Variants in CECR2 observed in about 807,000 individuals in gnomAD.
The protein encoded by CECR2 is chromatin remodeling regulator CECR2.
CECR2 carries 30 observed loss-of-function variants against 154.5 expected under a neutral mutation model. That is an observed-to-expected ratio of 0.19 (90% CI 0.15 to 0.26). The LOEUF is 0.26. Ranked by LOEUF, CECR2 falls within the 10% of genes least tolerant of loss-of-function variation. The pLI, the probability that CECR2 is intolerant of heterozygous loss-of-function variation, is 1.00. For missense variants in CECR2, 1,743 were observed against 1,829.3 expected (o/e 0.95, Z 0.86); for synonymous variants, 725 against 683.7 (o/e 1.06, Z -0.94).
Position 17,548,773 on chromosome 22 carries a change from C to T in CECR2, c.3486C>T (p.Gly1162=). 5 of 1,613,792 alleles carry T rather than the reference C, an allele frequency of 3.1e-6. No individual in the cohort carries two copies. The highest frequency in any genetic ancestry group is 4.2e-6 in the Non-Finnish European group (5 of 1,179,844). The change falls in exon 17 of 19, where the codon GGC becomes GGT. Residue 1162 remains glycine, a synonymous_variant. Transcript: ENST00000262608. ...ASHPQHFPPR[G]FQSNHPHSGG... ...ATCCCCAGCATTTTCCCCCAAGGGGCTTTCAGTCTAACCACCCACATTCTG... is the reference window on the plus strand; with the variant it reads ...ATCCCCAGCATTTTCCCCCAAGGGGTTTTCAGTCTAACCACCCACATTCTG...
rs528198022 is a variant in CECR2, at chr22:17,546,053, T to C, written c.2861-2095T>C. On this transcript the variant is annotated intron_variant, in intron 16 of 18. Coordinates refer to ENST00000262608, the MANE Select transcript of CECR2 (RefSeq NM_001290047.2). ...GGCGACAGAGTTGAAACTCCGACTCTTTTAAAAAAAGAAAAAAAATGGTTA... is the reference window on the plus strand; with the variant it reads ...GGCGACAGAGTTGAAACTCCGACTCCTTTAAAAAAAGAAAAAAAATGGTTA... Among the ~76,000 whole-genome samples the C allele has an allele frequency of 4.0e-5, 6 of 151,230 alleles. No homozygotes were observed. In the East Asian group the frequency reaches 1.2e-3, roughly 30 times the overall value.
chr22:17,396,953 G>A (rs2053820788), intron 1 of CECR2, among the ~76,000 whole-genome samples: 1 of 152,094 alleles, frequency 6.6e-6, no homozygotes, highest in South Asian at 2.1e-4. Context: ...TTGTGAGAGA[G>A]GAAAAGCCTA....
At chr22:17,414,186 A>T (rs555888215) in intron 1 of CECR2, among the ~76,000 whole-genome samples, 1 of 151,260 alleles carries the variant, frequency 6.6e-6, no homozygotes, top group Non-Finnish European at 1.5e-5. Context: ...GTTAGCCAGG[A>T]TGGTCTCGAT....
At chr22:17,438,339 C>T (rs1251532449) in intron 1 of CECR2, among the ~76,000 whole-genome samples, 1 of 148,086 alleles carries the variant, frequency 6.8e-6, no homozygotes, top group Non-Finnish European at 1.5e-5. Flanking sequence ...GTTTTCCTTT[C>T]TCATCACATG....
In CECR2 at chr22:17,534,136, C is replaced by T. The variant is rs144382028; in HGVS notation, c.1109-2967C>T. 1.9e-3 allele frequency among the ~76,000 whole-genome samples: 286 copies of T among 152,192 alleles called. 3 individuals are homozygous for T. Among genetic ancestry groups the T allele is most frequent in the African/African-American group, 6.5e-3 (268 of 41,526 alleles). ...TTGGCATAGAGATAGACAATGAGAC[C>T]AGAAACAGACCTTGAGAGAAAACAT... On this transcript the variant is annotated intron_variant, in intron 9 of 18. Coordinates refer to ENST00000262608, the MANE Select transcript of CECR2 (RefSeq NM_001290047.2).
chr22:17,409,469 G>A (rs1235092272), intron 1 of CECR2, among the ~76,000 whole-genome samples: 1 of 112,020 alleles, frequency 8.9e-6, no homozygotes. Flanking sequence ...TTGACCTCGT[G>A]ATCCGCCTGC....
chr22:17,476,876 T>G (rs1001427663), intron 1 of CECR2, among the ~76,000 whole-genome samples: 1 of 152,162 alleles, frequency 6.6e-6, no homozygotes, highest in African/African-American at 2.4e-5. Flanking sequence ...CTCCTAAAGT[T>G]CCCCACCACC....
chr22:17,501,985 T>C (rs2055746179), intron 5 of CECR2, among the ~76,000 whole-genome samples: 1 of 152,228 alleles, frequency 6.6e-6, no homozygotes, highest in South Asian at 2.1e-4. Context: ...TTTCAGATGC[T>C]CAGCAGCCAC....
At chr22:17,482,137 AAAAAG>A (rs1442417339) in intron 2 of CECR2, among the ~76,000 whole-genome samples, 18,178 of 95,458 alleles carry the variant, frequency 0.19, 2,906 homozygotes, top group Middle Eastern at 0.26. Flanking sequence ...AAAAAAAAAA[AAAAAG>A]GGCGTGGCAT....
At chr22:17,377,430 A>ATT (rs566171737) in intron 1 of CECR2, among the ~76,000 whole-genome samples, 3 of 140,424 alleles carry the variant, frequency 2.1e-5, no homozygotes, top group South Asian at 2.3e-4. Context: ...TTCTTACTTC[A>ATT]TTTTTTTTTT....
intron 9 of CECR2, among the ~76,000 whole-genome samples, chr22:17,528,866 G>A (rs1195929081): frequency 6.6e-6 from 1 of 152,154 alleles, no homozygotes; most frequent in African/African-American, 2.4e-5. Context: ...TGGTGAGAAG[G>A]TGGAGAGTAG....
chr22:17,464,646 C>T (rs994834569), intron 1 of CECR2, among the ~76,000 whole-genome samples: 2 of 152,026 alleles, frequency 1.3e-5, no homozygotes, highest in East Asian at 1.9e-4. Context: ...ACTGCAGGCA[C>T]GCACCACCAT....
At chr22:17,423,916 G>A (rs916490483) in intron 1 of CECR2, among the ~76,000 whole-genome samples, 92 of 152,210 alleles carry the variant, frequency 6.0e-4, no homozygotes, top group Non-Finnish European at 2.2e-4. Context: ...ATGCTGAACC[G>A]GAATCCCATT....
intron 1 of CECR2, among the ~76,000 whole-genome samples, chr22:17,476,406 T>A (rs1464446620): frequency 6.6e-6 from 1 of 151,864 alleles, no homozygotes; most frequent in Non-Finnish European, 1.5e-5. Context: ...GGATCACAGG[T>A]GCGTGCCACC....
At chr22:17,392,477 C>T (rs1049167077) in intron 1 of CECR2, among the ~76,000 whole-genome samples, 3 of 151,814 alleles carry the variant, frequency 2.0e-5, no homozygotes, top group Admixed American at 6.6e-5. Context: ...GACAGTGAGA[C>T]TCCGTCTCAA....
intron 2 of CECR2, among the ~76,000 whole-genome samples, chr22:17,482,480 T>C (rs2055343710): frequency 6.6e-6 from 1 of 152,186 alleles, no homozygotes; most frequent in Non-Finnish European, 1.5e-5. Context: ...CTTACTGGTT[T>C]CTGTATTTAC....
chr22:17,484,284 G>A (rs2055381785), intron 2 of CECR2, among the ~76,000 whole-genome samples: 1 of 152,148 alleles, frequency 6.6e-6, no homozygotes, highest in Non-Finnish European at 1.5e-5. Flanking sequence ...CAAACTTCTA[G>A]ATTCAAGCAA....
At chr22:17,455,425 C>G (rs7293138) in intron 1 of CECR2, among the ~76,000 whole-genome samples, 2 of 152,206 alleles carry the variant, frequency 1.3e-5, no homozygotes, top group African/African-American at 2.4e-5. Flanking sequence ...AGAACCTTGT[C>G]TCTGGCAATC....
At position 17,548,715 on chromosome 22, in the gene CECR2, G is replaced by C. The variant is rs531837211; in HGVS notation, c.3428G>C (p.Gly1143Ala). 1,054 of 1,613,592 alleles carry C rather than the reference G, an allele frequency of 6.5e-4. 17 individuals are homozygous for C. The South Asian group carries it at 0.011, about 16-fold the overall frequency. ...YHISPGLQGV[G>A]PVMGGKSPAS... ...ATCAGTCCAGGCCTGCAGGGTGTGG[G>C]CCCTGTGATGGGAGGGAAGTCCCCA... The change falls in exon 17 of 19, where the codon GGC becomes GCC. Residue 1143 changes from glycine to alanine, a missense_variant. Transcript: ENST00000262608.
Sources: allele counts gnomAD v4.1 joint callset (sites outside exome capture counted in the v4.1 genomes callset), GRCh38; gene constraint gnomAD v4.1.1; transcripts MANE v1.5; gene names NCBI Gene and HGNC (gene_info 2026-07-23, HGNC 2026-07-21).